Variants in MSMO1 observed in about 807,000 individuals in gnomAD.
MSMO1 encodes the protein C-4 methylsterol oxidase.
Under a neutral mutation model 30.4 loss-of-function variants are expected in MSMO1, and 18 were observed. That is an observed-to-expected ratio of 0.59 (90% CI 0.41 to 0.88). The LOEUF (loss-of-function observed/expected upper bound fraction) is 0.88, where lower values mean the gene tolerates loss of function less well. Among genes scored for constraint, MSMO1 ranks in the 40% least tolerant of loss-of-function variants. MSMO1 has a pLI of 0.00. For missense variants in MSMO1, 284 were observed against 340.5 expected (o/e 0.83, Z 1.31); for synonymous variants, 84 against 107.9 (o/e 0.78, Z 1.37).
At position 165,340,457 on chromosome 4, in the gene MSMO1, G is replaced by T. The variant is rs7679808; in HGVS notation, c.686+82G>T. 71,378 of 1,181,636 alleles carry T rather than the reference G, an allele frequency of 0.06. 2,379 individuals are homozygous for T. The highest frequency in any genetic ancestry group is 0.078 in the African/African-American group (5,159 of 66,164). The allele number at this position is 1,181,636 out of a possible 1,614,324, so 73.2% of individuals were successfully genotyped here. On this transcript the variant is annotated intron_variant, in intron 5 of 5. Coordinates refer to ENST00000261507, the MANE Select transcript of MSMO1 (RefSeq NM_006745.5). Reference sequence around the variant, plus strand: ...GCCATAAGATTATCATATTTCTAAGGAGACTAATAGGAGAAGTTAATCTTC... The same window carrying T: ...GCCATAAGATTATCATATTTCTAAGTAGACTAATAGGAGAAGTTAATCTTC...
chr4:165,338,670 A>T lies in MSMO1; in HGVS notation c.423A>T (p.Arg141Ser). 1 of 1,609,928 alleles carries T rather than the reference A, an allele frequency of 6.2e-7. No individual in the cohort carries two copies. The highest frequency in any genetic ancestry group is 8.5e-7 in the Non-Finnish European group (1 of 1,176,356). ...RMPRWYFLLARCFGCAVIEDT... is the reference protein window; with the variant it reads ...RMPRWYFLLASCFGCAVIEDT... ...CTTAAAGGTATTTTCTTTTGGCAAG[A>T]TGCTTTGGTTGTGCAGTCATTGAAG... Residue 141 changes from arginine to serine, a missense_variant, in exon 4 of 6, where the codon AGA becomes AGT. Transcript: ENST00000261507.
chr4:165,338,343 T>C (rs1326504811), intron 3 of MSMO1, among the ~76,000 whole-genome samples: 1 of 150,774 alleles, frequency 6.6e-6, no homozygotes, highest in African/African-American at 2.4e-5. Flanking sequence ...CACATATATA[T>C]ATACACACAC....
In MSMO1 at chr4:165,333,356, G is replaced by T. The variant is rs1353926947; in HGVS notation, c.-15G>T. On this transcript the variant is annotated 5_prime_UTR_variant, in exon 2 of 6. Coordinates refer to ENST00000261507, the MANE Select transcript of MSMO1 (RefSeq NM_006745.5). ...TTTCTACAGAATTATAAGGCTGTCTGCAGAGATTTGAAAAATGGCAACAAA... is the reference window on the plus strand; with the variant it reads ...TTTCTACAGAATTATAAGGCTGTCTTCAGAGATTTGAAAAATGGCAACAAA... 1 of 1,611,080 alleles carries T rather than the reference G, an allele frequency of 6.2e-7. No individual in the cohort carries two copies. Among genetic ancestry groups the T allele is most frequent in the East Asian group, 2.2e-5 (1 of 44,780 alleles).
intron 3 of MSMO1, among the ~76,000 whole-genome samples, 184 bp downstream of exon 3, chr4:165,338,121 T>C (rs1747609581): frequency 6.6e-6 from 1 of 152,148 alleles, no homozygotes; most frequent in Non-Finnish European, 1.5e-5. Flanking sequence ...CTTTTAAATA[T>C]TTTATTGGAA....
At position 165,342,013 on chromosome 4, in the gene MSMO1, G is replaced by A. The variant is rs1747729738; in HGVS notation, c.*67G>A. 7.6e-7 allele frequency: 1 copy of A among 1,309,268 alleles called. No homozygotes were observed. Among genetic ancestry groups the A allele is most frequent in the Non-Finnish European group, 1.1e-6 (1 of 914,302 alleles). 81.1% of individuals were successfully genotyped at this position (1,309,268 alleles called of 1,614,324 possible). A position where few individuals can be genotyped will look rare whatever the true frequency, so the allele number is the denominator to read the frequency against. ...AATTCAGAAACTAGTAGCTAACATT[G>A]CTTCTGGAGAGCAGAAATAAGCATG... On this transcript the variant is annotated 3_prime_UTR_variant, in exon 6 of 6. Coordinates refer to ENST00000261507, the MANE Select transcript of MSMO1 (RefSeq NM_006745.5).
chr4:165,329,617 C>G (rs1027582672), intron 1 of MSMO1, among the ~76,000 whole-genome samples: 1 of 137,648 alleles, frequency 7.3e-6, no homozygotes, highest in African/African-American at 2.8e-5. Flanking sequence ...AGCTGGAGAT[C>G]CATAGCGATT....
rs373668989 is a variant in MSMO1, at chr4:165,337,815, A to G, written c.282A>G (p.Gln94=). 162 of 1,613,594 alleles carry G rather than the reference A, an allele frequency of 1.0e-4. No homozygotes were observed. Among genetic ancestry groups the G allele is most frequent in the Admixed American group, 1.8e-4 (11 of 59,996 alleles). ...QKDKPETWEN[Q]WKCFKVLLFN... ...ATAAGCCAGAGACATGGGAAAACCA[A>G]TGGAAGTGTTTCAAAGTTCTTCTCT... The change falls in exon 3 of 6, where the codon CAA becomes CAG. Residue 94 remains glutamine (Q), a synonymous_variant. Transcript: ENST00000261507.
At chr4:165,334,458 C>G (rs1747486406) in intron 2 of MSMO1, among the ~76,000 whole-genome samples, 2 of 152,202 alleles carry the variant, frequency 1.3e-5, no homozygotes, top group African/African-American at 4.8e-5. Context: ...TCCAGTAAAT[C>G]TAAGGGACTG....
In MSMO1 at chr4:165,339,261, C is replaced by T. The variant is rs568325761; in HGVS notation, c.531+483C>T. Among the ~76,000 whole-genome samples, 102 of 152,028 alleles carry T rather than the reference C, an allele frequency of 6.7e-4. No individual in the cohort carries two copies. In the South Asian group the frequency reaches 0.02, roughly 30 times the overall value. On this transcript the variant is annotated intron_variant, in intron 4 of 5. Coordinates refer to ENST00000261507, the MANE Select transcript of MSMO1 (RefSeq NM_006745.5). ...CTGGGATTACAGGCATGCGTCACCA[C>T]GCGTGGCTAATTTTGTATTTTTAGT... is the stretch of plus-strand genomic sequence containing the variant.
chr4:165,337,965 A>C, intron 3 of MSMO1, 28 bp downstream of exon 3: 2 of 1,605,934 alleles, frequency 1.2e-6, no homozygotes, highest in Non-Finnish European at 1.7e-6. Context: ...TGGCTTTTAC[A>C]CCCAATTGTG....
chr4:165,341,277 T>A (rs537341837), intron 5 of MSMO1, among the ~76,000 whole-genome samples: 5 of 152,260 alleles, frequency 3.3e-5, no homozygotes, highest in Admixed American at 1.3e-4. Context: ...CAACTTGTCA[T>A]TGCCTAAAAA....
At chr4:165,338,358 A>G (rs1473689505) in intron 3 of MSMO1, among the ~76,000 whole-genome samples, 7 of 151,470 alleles carry the variant, frequency 4.6e-5, no homozygotes, top group South Asian at 4.1e-4. Context: ...ACACACATAT[A>G]TATACTCATG....
Position 165,333,408 on chromosome 4 carries a change from C to T in MSMO1, c.38C>T (p.Ala13Val), listed in dbSNP as rs372044266. 11 of 1,611,888 alleles carry T rather than the reference C, an allele frequency of 6.8e-6. No individual in the cohort carries two copies. The highest frequency in any genetic ancestry group is 9.3e-6 in the Non-Finnish European group (11 of 1,179,734). ...TNESVSIFSSASLAVEYVDSL... is the reference protein window; with the variant it reads ...TNESVSIFSSVSLAVEYVDSL... ...GAAAGTGTCAGCATCTTTAGTTCAG[C>T]ATCCTTGGCTGTGGAATATGTAGAT... Residue 13 changes from alanine to valine, a missense_variant, in exon 2 of 6, where the codon GCA becomes GTA. Physicochemically the swap from Ala to Val is moderately conservative, Grantham distance 64 (BLOSUM62 0). Transcript: ENST00000261507.
At chr4:165,332,911 G>T (rs921268153) in intron 1 of MSMO1, among the ~76,000 whole-genome samples, 1 of 152,086 alleles carries the variant, frequency 6.6e-6, no homozygotes, top group African/African-American at 2.4e-5. Flanking sequence ...CTATTCCCCA[G>T]TAGGAGGTAC....
chr4:165,329,472 A>C (rs1341310045), intron 1 of MSMO1, among the ~76,000 whole-genome samples: 1 of 151,918 alleles, frequency 6.6e-6, no homozygotes, highest in Non-Finnish European at 1.5e-5. Context: ...CAATGAATGC[A>C]CAATACTTGT....
chr4:165,329,810 TA>T (rs2126614540), intron 1 of MSMO1, among the ~76,000 whole-genome samples: 1 of 152,090 alleles, frequency 6.6e-6, no homozygotes, highest in African/African-American at 2.4e-5. Context: ...AATTTTTTTG[TA>T]TTTTTTTGGT....
chr4:165,338,871 T>G, intron 4 of MSMO1, 93 bp downstream of exon 4: 1 of 1,048,628 alleles, frequency 9.5e-7, no homozygotes, highest in Middle Eastern at 3.0e-4. Flanking sequence ...GTGACGTTTT[T>G]ATTTTCTTTT....
rs192168130 is a variant in MSMO1 at position 165,343,075 on chromosome 4, C to G, written c.*1129C>G. The G allele has an allele frequency of 3.5e-4, 53 of 152,374 alleles. No individual in the cohort carries two copies. The highest frequency in any genetic ancestry group is 1.3e-3 in the African/African-American group (52 of 41,468). The allele number at this position is 152,374 out of a possible 1,614,324, so 9.4% of individuals were successfully genotyped here. A position where few individuals can be genotyped will look rare whatever the true frequency, so the allele number is the denominator to read the frequency against. ...ATAAATGTGATTTTTGTGTGATTAT[C>G]TGGTTTCCAGTTTTAAACATTAACT... On this transcript the variant is annotated 3_prime_UTR_variant, in exon 6 of 6. Transcript: ENST00000261507.
chr4:165,335,098 A>G (rs1003432057), intron 2 of MSMO1, among the ~76,000 whole-genome samples: 5 of 152,272 alleles, frequency 3.3e-5, no homozygotes, highest in African/African-American at 9.6e-5. Flanking sequence ...GTCAAATACT[A>G]TGTCATTTTA....
Sources: allele counts gnomAD v4.1 joint callset (sites outside exome capture counted in the v4.1 genomes callset), GRCh38; gene constraint gnomAD v4.1.1; transcripts MANE v1.5; gene names NCBI Gene and HGNC (gene_info 2026-07-23, HGNC 2026-07-21).